OSBP2: variants seen among roughly 807,000 people sequenced by gnomAD.
OSBP2 encodes the protein oxysterol-binding protein 2.
Under a neutral mutation model 96.0 loss-of-function variants are expected in OSBP2, and 66 were observed. The ratio of observed to expected loss-of-function variants is 0.69; its 90% confidence interval spans 0.56 to 0.84. OSBP2 has a LOEUF of 0.84. Ranked by LOEUF, OSBP2 falls within the 40% of genes least tolerant of loss-of-function variation. The probability of loss-of-function intolerance (pLI) is 0.00; values close to 1 mark genes in which losing one functional copy is unlikely to be tolerated. For missense variants in OSBP2, 1,038 were observed against 1,222.7 expected, an observed-to-expected ratio of 0.85 and a Z score of 2.25; for synonymous variants, 525 against 520.9, an observed-to-expected ratio of 1.01 and a Z score of -0.11.
At chr22:30,799,474 C>A (rs1198219228) in intron 2 of OSBP2, among the ~76,000 whole-genome samples, 1 of 152,224 alleles carries the variant, frequency 6.6e-6, no homozygotes, top group Admixed American at 6.5e-5. Flanking sequence ...CTGAAAGATA[C>A]TGCAGGCAGT....
chr22:30,866,777 A>T (rs2039348827), intron 2 of OSBP2, among the ~76,000 whole-genome samples: 1 of 152,074 alleles, frequency 6.6e-6, no homozygotes, highest in African/African-American at 2.4e-5. Context: ...GTTTCAAGCC[A>T]TTGTCTTAAT....
chr22:30,715,608 A>G (rs1016695715), intron 1 of OSBP2, among the ~76,000 whole-genome samples: 1 of 150,842 alleles, frequency 6.6e-6, no homozygotes, highest in Non-Finnish European at 1.5e-5. Flanking sequence ...CTGGAGTGCA[A>G]TGGCGCCATC....
chr22:30,872,066 A>G (rs1363027373), intron 3 of OSBP2, among the ~76,000 whole-genome samples: 1 of 152,184 alleles, frequency 6.6e-6, no homozygotes, highest in African/African-American at 2.4e-5. Context: ...TCCATCCCAG[A>G]TCCCACAGTG....
chr22:30,787,773 T>C (rs2090614355), intron 2 of OSBP2, among the ~76,000 whole-genome samples: 1 of 152,192 alleles, frequency 6.6e-6, no homozygotes, highest in African/African-American at 2.4e-5. Flanking sequence ...GGGATTACAA[T>C]TGAAGATGAG....
intron 4 of OSBP2, 90 bp downstream of exon 4, chr22:30,887,708 T>G: frequency 3.5e-6 from 4 of 1,143,018 alleles, no homozygotes; most frequent in Non-Finnish European, 4.9e-6. Flanking sequence ...TGCACATCCC[T>G]GGCTGTGCCC....
Position 30,887,638 on chromosome 22 carries a change from A to G in OSBP2, c.1300+20A>G. 6.4e-7 allele frequency: 1 copy of G among 1,560,590 alleles called. No homozygotes were observed. Among genetic ancestry groups the G allele is most frequent in the Non-Finnish European group, 8.7e-7 (1 of 1,153,232 alleles). On this transcript the variant is annotated intron_variant, in intron 4 of 13. Coordinates refer to ENST00000332585, the MANE Select transcript of OSBP2 (RefSeq NM_030758.4). ...TTGAGGGTGAGTGGGCAGCCAGGGCAGGGCTGTCCCATGACCTTCTGCCAG... is the reference window on the plus strand; with the variant it reads ...TTGAGGGTGAGTGGGCAGCCAGGGCGGGGCTGTCCCATGACCTTCTGCCAG...
intron 1 of OSBP2, among the ~76,000 whole-genome samples, chr22:30,723,948 C>T (rs1470884582): frequency 6.6e-6 from 1 of 152,168 alleles, no homozygotes; most frequent in East Asian, 1.9e-4. Context: ...CTTCTATGGA[C>T]TTGGACAAAT....
At chr22:30,732,381 A>G (rs1383641279) in intron 1 of OSBP2, among the ~76,000 whole-genome samples, 2 of 152,130 alleles carry the variant, frequency 1.3e-5, no homozygotes, top group African/African-American at 4.8e-5. Flanking sequence ...TTCTCCTCCC[A>G]TTTCCAAATG....
At chr22:30,695,681 C>A in intron 1 of OSBP2, 128 bp downstream of exon 1, 1 of 1,471,982 alleles carries the variant, frequency 6.8e-7, no homozygotes, top group Non-Finnish European at 9.0e-7. Context: ...TGCATTCCAG[C>A]AGGCCAAGTC....
rs1177403579 is a variant in OSBP2, at chr22:30,870,658, C to T, written c.1083C>T (p.Arg361=). The change falls in exon 3 of 14, where the codon CGC becomes CGT. Residue 361 remains arginine (R), a synonymous_variant. Transcript: ENST00000332585. The surrounding 1 kb of genome is among the most constrained non-coding windows in gnomAD (Gnocchi z 4.1). ...KVVNERATLF[R]ITSNAMINAC... is the part of the protein sequence containing the mutation. ...TGAATGAGCGGGCCACCCTCTTCCG[C>T]ATCACATCCAATGCTATGATCAACG... The T allele has an allele frequency of 3.1e-6, 5 of 1,613,730 alleles. No homozygotes were observed. The highest frequency in any genetic ancestry group is 1.3e-5 in the African/African-American group (1 of 75,022).
intron 2 of OSBP2, among the ~76,000 whole-genome samples, chr22:30,860,619 T>C (rs2039191684): frequency 6.6e-6 from 1 of 152,214 alleles, no homozygotes; most frequent in Non-Finnish European, 1.5e-5. Flanking sequence ...GTGGAAGTCC[T>C]GGCCTGGGCA....
intron 8 of OSBP2, 101 bp downstream of exon 8, chr22:30,891,074 C>T (rs2147159818): frequency 2.8e-6 from 4 of 1,404,430 alleles, no homozygotes; most frequent in Non-Finnish European, 3.9e-6. Context: ...GTCTGTCTGA[C>T]CCTGACTGCC....
At chr22:30,697,280 T>A (rs1033377278) in intron 1 of OSBP2, among the ~76,000 whole-genome samples, 6 of 152,204 alleles carry the variant, frequency 3.9e-5, no homozygotes, top group Non-Finnish European at 7.3e-5. Context: ...GATGTCCATC[T>A]TCTTTTTTTT....
intron 12 of OSBP2, among the ~76,000 whole-genome samples, chr22:30,899,382 T>TCC (rs1173884615): frequency 7.0e-6 from 1 of 142,410 alleles, no homozygotes; most frequent in African/African-American, 2.6e-5. Context: ...CCAGCCTGGG[T>TCC]GACAAAGCAG....
intron 2 of OSBP2, among the ~76,000 whole-genome samples, chr22:30,785,968 C>A (rs1234606110): frequency 6.6e-6 from 1 of 151,962 alleles, no homozygotes; most frequent in African/African-American, 2.4e-5. Context: ...TATAAATTAC[C>A]CAGTCTCAGG....
At chr22:30,833,279 G>C (rs1478214706) in intron 2 of OSBP2, among the ~76,000 whole-genome samples, 1 of 152,156 alleles carries the variant, frequency 6.6e-6, no homozygotes, top group Admixed American at 6.5e-5. Context: ...TCACCGTTTG[G>C]CTGTTAAAAT....
At chr22:30,752,213 G>A (rs1317832656) in intron 2 of OSBP2, among the ~76,000 whole-genome samples, 1 of 149,798 alleles carries the variant, frequency 6.7e-6, no homozygotes, top group East Asian at 2.0e-4. Flanking sequence ...TTTATGGCTC[G>A]AACTTGCCAG....
At chr22:30,732,115 C>A (rs1273585975) in intron 1 of OSBP2, among the ~76,000 whole-genome samples, 3 of 152,162 alleles carry the variant, frequency 2.0e-5, no homozygotes, top group Non-Finnish European at 2.9e-5. Context: ...ACCAGCCTCA[C>A]TAACATGGTG....
intron 12 of OSBP2, among the ~76,000 whole-genome samples, chr22:30,899,546 C>G (rs2040150519): frequency 6.6e-6 from 1 of 152,100 alleles, no homozygotes; most frequent in South Asian, 2.1e-4. Context: ...TGAATTCTCC[C>G]TATTTTTTCA....
Sources: allele counts gnomAD v4.1 joint callset (sites outside exome capture counted in the v4.1 genomes callset), GRCh38; gene constraint gnomAD v4.1.1; non-coding constraint Gnocchi (gnomAD v3.1); transcripts MANE v1.5; gene names NCBI Gene and HGNC (gene_info 2026-07-23, HGNC 2026-07-21).